The following DENR variants were observed in gnomAD, a reference collection of about 807,000 sequenced individuals.
DENR encodes the protein density regulated re-initiation and release factor.
DENR carries 6 observed loss-of-function variants against 30.6 expected under a neutral mutation model. The ratio of observed to expected loss-of-function variants is 0.20; its 90% confidence interval spans 0.11 to 0.39. The LOEUF (loss-of-function observed/expected upper bound fraction) is 0.39. Among genes scored for constraint, DENR ranks in the 10% least tolerant of loss-of-function variants. The probability of loss-of-function intolerance (pLI) is 1.00; values close to 1 mark genes in which losing one functional copy is unlikely to be tolerated. For synonymous variants in DENR, 78 were observed against 72.1 expected (o/e 1.08, Z -0.41); for missense variants, 141 against 230.9 (o/e 0.61, Z 2.52).
chr12:122,757,204 C>A (rs751630335), intron 2 of DENR, among the ~76,000 whole-genome samples: 5 of 152,102 alleles, frequency 3.3e-5, no homozygotes, highest in African/African-American at 4.8e-5. Context: ...AAGAAGGATG[C>A]AAATTAGAGA....
At chr12:122,763,419 T>C (rs1593762631) in intron 4 of DENR, among the ~76,000 whole-genome samples, 1 of 139,626 alleles carries the variant, frequency 7.2e-6, no homozygotes, top group Non-Finnish European at 1.5e-5. Context: ...AGTAAGTAAA[T>C]GATTGGCTGG....
chr12:122,754,650 A>C (rs1215074147), intron 2 of DENR, among the ~76,000 whole-genome samples: 1 of 152,208 alleles, frequency 6.6e-6, no homozygotes, highest in Non-Finnish European at 1.5e-5. Context: ...CTGACATTTA[A>C]GTACCGTAGA....
Position 122,754,243 on chromosome 12 carries a change from G to T in DENR, c.106+436G>T, listed in dbSNP as rs145545086. On this transcript the variant is annotated intron_variant, in intron 2 of 7. Coordinates refer to ENST00000280557, the MANE Select transcript of DENR (RefSeq NM_003677.5). ...AAGTGAGCAGCTTTGAGTTTGTCTGGTGTATCGTATAGGGAGGGTGGCCCG... is the reference window on the plus strand; with the variant it reads ...AAGTGAGCAGCTTTGAGTTTGTCTGTTGTATCGTATAGGGAGGGTGGCCCG... 1.5e-4 allele frequency: 34 copies of T among 221,584 alleles called. 2 individuals are homozygous for T. The highest frequency in any genetic ancestry group is 6.9e-4 in the African/African-American group (31 of 44,868). The allele number at this position is 221,584 out of a possible 1,614,324, so 13.7% of individuals were successfully genotyped here.
Position 122,762,198 on chromosome 12 carries a change from C to A in DENR, c.118C>A (p.Pro40Thr). The change falls in exon 3 of 8, where the codon CCA becomes ACA. Residue 40 changes from proline to threonine, a missense_variant. Coordinates refer to ENST00000280557, the MANE Select transcript of DENR (RefSeq NM_003677.5). ...RVLYCGVCSL[P>T]TEYCEYMPDV... ...TTTTACTTCCTCAGTCTGTTCATTA[C>A]CAACAGAGGTAAGTTCTTTAATTTT... 1.4e-6 allele frequency: 2 copies of A among 1,432,762 alleles called. No individual in the cohort carries two copies. Among genetic ancestry groups the A allele is most frequent in the Non-Finnish European group, 1.9e-6 (2 of 1,053,632 alleles). The allele number at this position is 1,432,762 out of a possible 1,614,324, so 88.8% of individuals were successfully genotyped here.
At chr12:122,767,795 T>G (rs1471881127) in intron 6 of DENR, among the ~76,000 whole-genome samples, 191 bp downstream of exon 6, 3 of 152,236 alleles carry the variant, frequency 2.0e-5, no homozygotes, top group Non-Finnish European at 2.9e-5. Context: ...AAATCTTTTG[T>G]AGAGGGGACT....
At chr12:122,753,362 C>G (rs964628831) in intron 1 of DENR, among the ~76,000 whole-genome samples, 1 of 152,160 alleles carries the variant, frequency 6.6e-6, no homozygotes, top group South Asian at 2.1e-4. Flanking sequence ...TTGCATCCCT[C>G]CCAGATCACC....
Position 122,769,245 on chromosome 12 carries a change from T to G in DENR, c.*167T>G. ...ATATATACATGTGTGTATGTATACATGTATATATATATACATACACATATA... is the reference window on the plus strand; with the variant it reads ...ATATATACATGTGTGTATGTATACAGGTATATATATATACATACACATATA... On this transcript the variant is annotated 3_prime_UTR_variant, in exon 8 of 8. Coordinates refer to ENST00000280557, the MANE Select transcript of DENR (RefSeq NM_003677.5). 7.5e-6 allele frequency: 5 copies of G among 668,296 alleles called. No homozygotes were observed. Among genetic ancestry groups the G allele is most frequent in the Non-Finnish European group, 8.8e-6 (5 of 567,082 alleles). The allele number at this position is 668,296 out of a possible 1,614,324, so 41.4% of individuals were successfully genotyped here.
At chr12:122,752,991 T>G (rs1023532741) in intron 1 of DENR, 41 bp downstream of exon 1, 2 of 152,414 alleles carry the variant, frequency 1.3e-5, no homozygotes, top group Non-Finnish European at 2.9e-5. Context: ...GAGAAGCTCG[T>G]AGAGAGTGTG....
Position 122,753,690 on chromosome 12 carries a change from C to G in DENR, c.-9-3C>G, listed in dbSNP as rs1391414822. 1.9e-6 allele frequency: 3 copies of G among 1,610,976 alleles called. No homozygotes were observed. The highest frequency in any genetic ancestry group is 2.5e-6 in the Non-Finnish European group (3 of 1,177,356). ...GAGGGTGTGTTATTTTCCTTGCTTA[C>G]AGGTTTGTGAAATGGCTGCTGACAT... On this transcript the variant is annotated splice_polypyrimidine_tract_variant and splice_region_variant and intron_variant, in intron 1 of 7. Coordinates refer to ENST00000280557, the MANE Select transcript of DENR (RefSeq NM_003677.5).
intron 2 of DENR, among the ~76,000 whole-genome samples, chr12:122,756,467 A>G (rs781195033): frequency 1.5e-4 from 23 of 152,188 alleles, no homozygotes; most frequent in Non-Finnish European, 2.6e-4. Flanking sequence ...GAAAGAGACA[A>G]GAAATAAAGA....
At position 122,768,938 on chromosome 12, in the gene DENR, C is replaced by T; in HGVS notation, c.552+17C>T. Reference sequence around the variant, plus strand: ...TGGCCAGAGGTGAGTGCATGGAACACATACATCGCTAGAGATAAGTTTTTA... The same window carrying T: ...TGGCCAGAGGTGAGTGCATGGAACATATACATCGCTAGAGATAAGTTTTTA... On this transcript the variant is annotated intron_variant, in intron 7 of 7. Transcript: ENST00000280557. The T allele has an allele frequency of 3.1e-6, 5 of 1,607,578 alleles. No homozygotes were observed. Among genetic ancestry groups the T allele is most frequent in the African/African-American group, 1.3e-5 (1 of 74,774 alleles).
In DENR at chr12:122,769,135, G is replaced by A; in HGVS notation, c.*57G>A. The A allele has an allele frequency of 6.5e-7, 1 of 1,532,392 alleles. No individual in the cohort carries two copies. Among genetic ancestry groups the A allele is most frequent in the East Asian group, 2.3e-5 (1 of 42,810 alleles). The allele number at this position is 1,532,392 out of a possible 1,614,324, so 94.9% of individuals were successfully genotyped here. A position where few individuals can be genotyped will look rare whatever the true frequency, so the allele number is the denominator to read the frequency against. Reference sequence around the variant, plus strand: ...AACTGAGAGTTGATATGGCCAAAGGGAGAGAGGCCTTTTAAAATATATATA... The same window carrying A: ...AACTGAGAGTTGATATGGCCAAAGGAAGAGAGGCCTTTTAAAATATATATA... On this transcript the variant is annotated 3_prime_UTR_variant, in exon 8 of 8. Transcript: ENST00000280557.
In DENR at chr12:122,765,385, G is replaced by C; in HGVS notation, c.293G>C (p.Arg98Thr). Residue 98 changes from arginine to threonine, a missense_variant and splice_region_variant, in exon 5 of 8, where the codon AGA becomes ACA. Transcript: ENST00000280557. ...GEEEEKKKQK[R>T]GGRGQIKQKK... ...GAAGAGGAGAAGAAAAAACAGAAGA[G>C]AGGTAAGACCTAAATTCACATCTTG... The C allele has an allele frequency of 6.4e-7, 1 of 1,550,530 alleles. No homozygotes were observed. The highest frequency in any genetic ancestry group is 8.7e-7 in the Non-Finnish European group (1 of 1,145,848).
At chr12:122,765,997 T>C (rs1395549095) in intron 5 of DENR, among the ~76,000 whole-genome samples, 1 of 152,052 alleles carries the variant, frequency 6.6e-6, no homozygotes, top group Non-Finnish European at 1.5e-5. Context: ...TCATTCATTA[T>C]TCTCCCCTAT....
At chr12:122,762,573 A>G (rs948730127) in intron 3 of DENR, among the ~76,000 whole-genome samples, 26 of 152,256 alleles carry the variant, frequency 1.7e-4, no homozygotes, top group African/African-American at 6.0e-4. Context: ...TCTATGAGCA[A>G]GTCATGAAAA....
intron 2 of DENR, among the ~76,000 whole-genome samples, chr12:122,758,199 G>A (rs1234662568): frequency 1.3e-5 from 2 of 152,184 alleles, no homozygotes; most frequent in Non-Finnish European, 2.9e-5. Flanking sequence ...AGCCTCCCGA[G>A]TAGCGGAGAT....
At chr12:122,756,720 G>A (rs868261771) in intron 2 of DENR, among the ~76,000 whole-genome samples, 29 of 152,198 alleles carry the variant, frequency 1.9e-4, no homozygotes, top group African/African-American at 6.0e-4. Context: ...TGGAATTCAT[G>A]AAGAGGGGCA....
At chr12:122,758,179 C>A (rs1207430219) in intron 2 of DENR, among the ~76,000 whole-genome samples, 1 of 152,138 alleles carries the variant, frequency 6.6e-6, no homozygotes, top group African/African-American at 2.4e-5. Flanking sequence ...TCAAGTGATT[C>A]TCCTGGTTCA....
At chr12:122,762,352 A>G (rs1878723446) in intron 3 of DENR, 146 bp downstream of exon 3, 1 of 594,186 alleles carries the variant, frequency 1.7e-6, no homozygotes, top group Non-Finnish European at 2.8e-6. Flanking sequence ...GATTTAGAGT[A>G]ATTTTTTGGT....
Sources: gnomAD v4.1 joint callset for allele counts (sites outside exome capture counted in the v4.1 genomes callset) on GRCh38, gnomAD v4.1.1 for gene constraint, MANE v1.5 for transcripts, NCBI Gene and HGNC (gene_info 2026-07-23, HGNC 2026-07-21) for gene names.